The following LRRC8C variants were observed in gnomAD, a reference collection of about 807,000 sequenced individuals.
LRRC8C encodes the protein volume-regulated anion channel subunit LRRC8C.
LRRC8C carries 20 observed loss-of-function variants against 55.3 expected under a neutral mutation model. The observed-to-expected ratio is 0.36, with a 90% confidence interval of 0.25 to 0.53. The LOEUF is 0.53. Ranked by LOEUF, LRRC8C falls within the 20% of genes least tolerant of loss-of-function variation. The pLI is 0.92. For missense variants in LRRC8C, 659 were observed against 951.4 expected (o/e 0.69, Z 4.04); for synonymous variants, 376 against 360.7 (o/e 1.04, Z -0.48).
intron 2 of LRRC8C, among the ~76,000 whole-genome samples, chr1:89,701,191 A>G (rs1658312268): frequency 6.6e-6 from 1 of 151,904 alleles, no homozygotes; most frequent in African/African-American, 2.4e-5. Context: ...AAAAAGAACA[A>G]TGGGGCCAGG....
chr1:89,690,131 G>A (rs1273262389), intron 2 of LRRC8C, among the ~76,000 whole-genome samples: 1 of 152,168 alleles, frequency 6.6e-6, no homozygotes, highest in Non-Finnish European at 1.5e-5. Context: ...ACGAGGTGAA[G>A]ATCCAGGATC....
intron 1 of LRRC8C, among the ~76,000 whole-genome samples, chr1:89,678,680 A>G (rs148877878): frequency 1.3e-5 from 2 of 150,336 alleles, no homozygotes; most frequent in Admixed American, 1.3e-4. Flanking sequence ...AGCCTGGGCA[A>G]CAAGGGAGAA....
At chr1:89,667,987 G>A (rs561803735) in intron 1 of LRRC8C, among the ~76,000 whole-genome samples, 8 of 152,120 alleles carry the variant, frequency 5.3e-5, no homozygotes, top group Non-Finnish European at 1.2e-4. Flanking sequence ...TTCTTTGTTG[G>A]CATATCTACA....
chr1:89,640,343 A>G (rs1656419871), intron 1 of LRRC8C, among the ~76,000 whole-genome samples: 1 of 152,228 alleles, frequency 6.6e-6, no homozygotes, highest in Non-Finnish European at 1.5e-5. Context: ...GATTACAGGC[A>G]TGAGCCACTG....
chr1:89,659,597 C>T (rs1557652038), intron 1 of LRRC8C, among the ~76,000 whole-genome samples: 1 of 152,032 alleles, frequency 6.6e-6, no homozygotes, highest in Non-Finnish European at 1.5e-5. Context: ...TTCCTTTATA[C>T]ATAAAGAGAA....
In LRRC8C at chr1:89,714,517, C is replaced by T. The variant is rs768520572; in HGVS notation, c.1947C>T (p.Ile649=). The change falls in exon 3 of 3, where the codon ATC becomes ATT. Residue 649 remains isoleucine, a synonymous_variant. Transcript: ENST00000370454. The surrounding 1 kb of genome is among the most constrained non-coding windows in gnomAD (Gnocchi z 4.6). ...TGCTAAAACTGTGGCATAACAGCAT[C>T]ACCTACATCCCAGAGCATATAAAGA... The part of the protein sequence containing the change: ...LTVLKLWHNS[I]TYIPEHIKKL... 6.2e-7 allele frequency: 1 copy of T among 1,614,186 alleles called. No individual in the cohort carries two copies. Among genetic ancestry groups the T allele is most frequent in the Non-Finnish European group, 8.5e-7 (1 of 1,180,018 alleles).
upstream of LRRC8C, chr1:89,633,060 G>T (rs1207545600): frequency 6.6e-6 from 1 of 152,094 alleles, no homozygotes; most frequent in Non-Finnish European, 1.5e-5. Flanking sequence ...GGGCGGCGCT[G>T]GAGGCGGCTC....
In LRRC8C at chr1:89,713,633, C is replaced by T. The variant is rs747378312; in HGVS notation, c.1063C>T (p.Arg355Cys). ...ACGGGAATATTCCTTTGAGTATGTC[C>T]GTCAGGAGACTGGAATTGATGATAT... The part of the protein sequence containing the change: ...SLREYSFEYV[R>C]QETGIDDIPD... Residue 355 changes from arginine (R) to cysteine (C), a missense_variant, in exon 3 of 3, where the codon CGT (arginine) becomes TGT (cysteine). Around this residue, in one of 5 missense-constraint regions of LRRC8C, gnomAD observed 200 missense variants for 360.5 expected, o/e 0.55. Coordinates refer to ENST00000370454, the MANE Select transcript of LRRC8C (RefSeq NM_032270.5). This position sits in a 1 kb window ranked among gnomAD's most constrained non-coding sequence, Gnocchi z 5.2. The T allele has an allele frequency of 4.3e-6, 7 of 1,614,064 alleles. No individual in the cohort carries two copies. Among genetic ancestry groups the T allele is most frequent in the Non-Finnish European group, 5.1e-6 (6 of 1,179,994 alleles).
At chr1:89,632,063 T>G (rs745899890), upstream of LRRC8C, 3 of 152,220 alleles carry the variant, frequency 2.0e-5, no homozygotes, top group Admixed American at 6.5e-5. Flanking sequence ...TAGTTTGACT[T>G]TGGGTGCTCT....
intron 1 of LRRC8C, among the ~76,000 whole-genome samples, chr1:89,660,089 G>A (rs1240514680): frequency 1.3e-5 from 2 of 152,194 alleles, no homozygotes; most frequent in African/African-American, 2.4e-5. Context: ...TTGAGAGAGG[G>A]TGGGCTGTGT....
At chr1:89,656,966 G>A (rs1015410512) in intron 1 of LRRC8C, among the ~76,000 whole-genome samples, 40 of 151,702 alleles carry the variant, frequency 2.6e-4, no homozygotes, top group African/African-American at 9.3e-4. Context: ...GATTCAAAGG[G>A]GTTAAATAAC....
rs533826796 is a variant in LRRC8C, at chr1:89,683,845, A to G, written c.-4-2625A>G. Reference sequence around the variant, plus strand: ...CATGTTTGGTCCATACATTTCAGACAAAACAACATATCATATCACAATAGA... The same window carrying G: ...CATGTTTGGTCCATACATTTCAGACGAAACAACATATCATATCACAATAGA... On this transcript the variant is annotated intron_variant, in intron 1 of 2. Transcript: ENST00000370454. Among the ~76,000 whole-genome samples, 6 of 152,354 alleles carry G rather than the reference A, an allele frequency of 3.9e-5. No homozygotes were observed. The South Asian group carries it at 1.2e-3, about 32-fold the overall frequency.
intron 2 of LRRC8C, among the ~76,000 whole-genome samples, chr1:89,696,008 T>TC (rs1658162925): frequency 6.6e-6 from 1 of 152,200 alleles, no homozygotes; most frequent in African/African-American, 2.4e-5. Context: ...ACTCTGATCC[T>TC]CCCCAATTGA....
At chr1:89,619,148 T>C in the LRRC8C span, among the ~76,000 whole-genome samples, 1 of 152,212 alleles carries the variant, frequency 6.6e-6, no homozygotes, top group Non-Finnish European at 1.5e-5. Context: ...ACAATGAAAG[T>C]CTTTTTTCAA....
In LRRC8C at chr1:89,679,479, G is replaced by A. The variant is rs190903814; in HGVS notation, c.-4-6991G>A. ...TGAGACATGAGAATCACTTGAACTCGGGAGGTGGAGATTACAGTGAGCCAA... is the reference window on the plus strand; with the variant it reads ...TGAGACATGAGAATCACTTGAACTCAGGAGGTGGAGATTACAGTGAGCCAA... On this transcript the variant is annotated intron_variant, in intron 1 of 2. Transcript: ENST00000370454. 1.2e-4 allele frequency among the ~76,000 whole-genome samples: 19 copies of A among 152,196 alleles called. No homozygotes were observed. The East Asian group carries it at 3.7e-3, about 29-fold the overall frequency.
intron 2 of LRRC8C, among the ~76,000 whole-genome samples, chr1:89,690,137 G>C (rs571569869): frequency 6.6e-6 from 1 of 152,306 alleles, no homozygotes; most frequent in East Asian, 1.9e-4. Flanking sequence ...TGAAGATCCA[G>C]GATCTAGGTG....
At chr1:89,655,555 G>A (rs1008835348) in intron 1 of LRRC8C, among the ~76,000 whole-genome samples, 1 of 152,116 alleles carries the variant, frequency 6.6e-6, no homozygotes, top group Admixed American at 6.5e-5. Flanking sequence ...AAAATTTTGG[G>A]CTTACAGTTC....
intron 1 of LRRC8C, among the ~76,000 whole-genome samples, chr1:89,681,088 A>G (rs1375172299): frequency 9.9e-5 from 15 of 152,230 alleles, no homozygotes; most frequent in Admixed American, 9.8e-4. Flanking sequence ...TTAACTAGAA[A>G]TAAAATTATG....
At chr1:89,616,552 T>C in the LRRC8C span, among the ~76,000 whole-genome samples, 2 of 152,198 alleles carry the variant, frequency 1.3e-5, no homozygotes, top group Admixed American at 6.5e-5. Context: ...ACAGTGAAAA[T>C]CTCTGATTTG....
Sources: allele counts gnomAD v4.1 joint callset (sites outside exome capture counted in the v4.1 genomes callset), GRCh38; gene constraint gnomAD v4.1.1; regional missense constraint gnomAD v4.1.1; non-coding constraint Gnocchi (gnomAD v3.1); transcripts MANE v1.5; gene names NCBI Gene and HGNC (gene_info 2026-07-23, HGNC 2026-07-21).